Variants in LEKR1 observed in about 807,000 individuals in gnomAD.
LEKR1 encodes protein LEKR1.
Under a neutral mutation model 72.4 loss-of-function variants are expected in LEKR1, and 59 were observed. That is an observed-to-expected ratio of 0.82 (90% CI 0.66 to 1.01). The LOEUF is 1.01. Ranked by LOEUF, LEKR1 falls within the 50% of genes least tolerant of loss-of-function variation. The pLI, the probability that LEKR1 is intolerant of heterozygous loss-of-function variation, is 0.00. For synonymous variants in LEKR1, 257 were observed against 263.2 expected, an observed-to-expected ratio of 0.98 and a Z score of 0.23; for missense variants, 728 against 759.2, an observed-to-expected ratio of 0.96 and a Z score of 0.48.
At position 157,044,049 on chromosome 3, in the gene LEKR1, G is replaced by A. The variant is rs1385805820; in HGVS notation, c.1669-1291G>A. Among the ~76,000 whole-genome samples the A allele has an allele frequency of 3.9e-5, 6 of 152,316 alleles. No homozygotes were observed. In the East Asian group the frequency reaches 7.7e-4, roughly 20 times the overall value. On this transcript the variant is annotated intron_variant, in intron 12 of 12. Coordinates refer to ENST00000356539, the MANE Select transcript of LEKR1 (RefSeq NM_001004316.3). ...ATCATGAGAAACTCAAAAACAGGAA[G>A]ATACTACTGTCCCTGGTGCTTTGTT... is the stretch of plus-strand genomic sequence containing the variant.
At chr3:157,032,312 G>A (rs1028141350) in intron 12 of LEKR1, among the ~76,000 whole-genome samples, 1 of 152,152 alleles carries the variant, frequency 6.6e-6, no homozygotes, top group Admixed American at 6.5e-5. Context: ...AATCAGTACA[G>A]ATAGTTCAAT....
At chr3:157,044,452 T>C (rs545187859) in intron 12 of LEKR1, among the ~76,000 whole-genome samples, 1 of 152,232 alleles carries the variant, frequency 6.6e-6, no homozygotes, top group African/African-American at 2.4e-5. Flanking sequence ...TTATCTCTAG[T>C]CCAGTCACAC....
chr3:156,971,454 C>T (rs1308332814), intron 6 of LEKR1, among the ~76,000 whole-genome samples: 3 of 152,108 alleles, frequency 2.0e-5, no homozygotes, highest in African/African-American at 4.8e-5. Context: ...TCTAAAACAC[C>T]AAAAGCAATG....
At chr3:157,039,452 T>C (rs1577030834) in intron 12 of LEKR1, among the ~76,000 whole-genome samples, 1 of 152,076 alleles carries the variant, frequency 6.6e-6, no homozygotes, top group East Asian at 1.9e-4. Context: ...GACCCTGTTT[T>C]TACAGAAAAT....
At chr3:157,030,234 G>A (rs963206116) in intron 12 of LEKR1, among the ~76,000 whole-genome samples, 3 of 152,152 alleles carry the variant, frequency 2.0e-5, no homozygotes, top group Non-Finnish European at 4.4e-5. Flanking sequence ...AGGGGATGGT[G>A]CTAAGCAATT....
chr3:156,888,419 G>A, intron 3 of LEKR1: 1 of 691,248 alleles, frequency 1.4e-6, no homozygotes, highest in East Asian at 2.7e-5. Context: ...GTTTTCCTTA[G>A]CTTTTCTTAA....
chr3:156,885,067 C>G (rs1288229062), intron 3 of LEKR1, among the ~76,000 whole-genome samples: 1 of 152,100 alleles, frequency 6.6e-6, no homozygotes, highest in African/African-American at 2.4e-5. Context: ...TTGTTCTAGT[C>G]TATTGTTGAA....
intron 6 of LEKR1, among the ~76,000 whole-genome samples, chr3:156,967,439 T>A (rs1181732005): frequency 6.6e-6 from 1 of 152,152 alleles, no homozygotes; most frequent in African/African-American, 2.4e-5. Flanking sequence ...AAGGACCTGA[T>A]GGAGCTGAAA....
At chr3:156,882,102 ATGTCTAAAAC>A (rs1719439160) in intron 3 of LEKR1, among the ~76,000 whole-genome samples, 1 of 146,222 alleles carries the variant, frequency 6.8e-6, no homozygotes, top group Non-Finnish European at 1.5e-5. Flanking sequence ...CAAGGACTTC[ATGTCTAAAAC>A]ACCAAAAGCA....
chr3:156,962,059 C>A (rs1395565291), intron 6 of LEKR1, among the ~76,000 whole-genome samples: 1 of 152,184 alleles, frequency 6.6e-6, no homozygotes, highest in Non-Finnish European at 1.5e-5. Flanking sequence ...CCCTGATTAG[C>A]TGTAACAGTA....
At chr3:157,006,657 G>A (rs1732462248) in intron 9 of LEKR1, among the ~76,000 whole-genome samples, 1 of 152,068 alleles carries the variant, frequency 6.6e-6, no homozygotes, top group Non-Finnish European at 1.5e-5. Context: ...TCTGTACAAT[G>A]GACTACTACT....
intron 2 of LEKR1, among the ~76,000 whole-genome samples, chr3:156,847,605 A>G (rs1714784815): frequency 6.6e-6 from 1 of 152,224 alleles, no homozygotes; most frequent in South Asian, 2.1e-4. Flanking sequence ...TAGCTCATAT[A>G]GGCACTAATA....
At chr3:156,935,284 A>G (rs1323753769) in intron 5 of LEKR1, among the ~76,000 whole-genome samples, 1 of 152,210 alleles carries the variant, frequency 6.6e-6, no homozygotes, top group Non-Finnish European at 1.5e-5. Flanking sequence ...TTCAATTCCC[A>G]AGCAAGAACT....
rs1216526532 is a variant in LEKR1 at position 157,045,715 on chromosome 3, G to C, written c.2044G>C (p.Ala682Pro). The C allele has an allele frequency of 6.2e-7, 1 of 1,611,774 alleles. No individual in the cohort carries two copies. Among genetic ancestry groups the C allele is most frequent in the Non-Finnish European group, 8.5e-7 (1 of 1,179,988 alleles). ...AGCAAATGAGACTAGACAGAGACTG[G>C]CTGCCATTCTTAGGAGAAGGCGGAG... ...SSANETRQRL[A>P]AILRRRRSQQ The change falls in exon 13 of 13, where the codon GCT becomes CCT. Residue 682 changes from alanine to proline, a missense_variant. Physicochemically the swap from Ala to Pro is conservative, Grantham distance 27. Transcript: ENST00000356539.
At chr3:157,030,909 G>A (rs757004280) in intron 12 of LEKR1, among the ~76,000 whole-genome samples, 1 of 152,190 alleles carries the variant, frequency 6.6e-6, no homozygotes, top group Non-Finnish European at 1.5e-5. Context: ...CTCAGGGCAA[G>A]CGAGTGAGAA....
In LEKR1 at chr3:156,829,275, A is replaced by G. The variant is rs558398064; in HGVS notation, c.-44-11A>G. 2.0e-6 allele frequency: 2 copies of G among 1,000,114 alleles called. No individual in the cohort carries two copies. The highest frequency in any genetic ancestry group is 5.2e-5 in the East Asian group (2 of 38,266). 62.0% of individuals were successfully genotyped at this position (1,000,114 alleles called of 1,614,324 possible). On this transcript the variant is annotated splice_polypyrimidine_tract_variant and intron_variant, in intron 1 of 12. Transcript: ENST00000356539. ...TATTTCTGTTCTGACTGTTGCCATC[A>G]ATGTTCTTAGATTTCCTTTGGCTTC...
intron 9 of LEKR1, among the ~76,000 whole-genome samples, chr3:156,996,043 C>G (rs1043917128): frequency 6.6e-6 from 1 of 151,958 alleles, no homozygotes; most frequent in African/African-American, 2.4e-5. Context: ...GAATGGATCA[C>G]TTTGGGTAAT....
chr3:156,869,297 C>T (rs564308354), intron 3 of LEKR1, among the ~76,000 whole-genome samples: 1 of 152,166 alleles, frequency 6.6e-6, no homozygotes, highest in South Asian at 2.1e-4. Context: ...AGTGGCTGTA[C>T]TAATTTACAT....
chr3:156,888,525 G>GA, intron 3 of LEKR1: 1 of 600,880 alleles, frequency 1.7e-6, no homozygotes, highest in South Asian at 2.1e-5. Context: ...CACAGTGGGA[G>GA]AAACACATAA....
Sources: allele counts gnomAD v4.1 joint callset (sites outside exome capture counted in the v4.1 genomes callset), GRCh38; gene constraint gnomAD v4.1.1; transcripts MANE v1.5; gene names NCBI Gene and HGNC (gene_info 2026-07-23, HGNC 2026-07-21).